C6orf89: variants seen among roughly 807,000 people sequenced by gnomAD.
The protein encoded by C6orf89 is chromosome 6 open reading frame 89.
Under a neutral mutation model 40.7 loss-of-function variants are expected in C6orf89, and 29 were observed. That is an observed-to-expected ratio of 0.71 (90% CI 0.53 to 0.97). The LOEUF is 0.97. Among genes scored for constraint, C6orf89 ranks in the 50% least tolerant of loss-of-function variants. The probability of loss-of-function intolerance (pLI) is 0.00; values close to 1 mark genes in which losing one functional copy is unlikely to be tolerated. For synonymous variants in C6orf89, 165 were observed against 152.2 expected (o/e 1.08, Z -0.62); for missense variants, 392 against 429.1 (o/e 0.91, Z 0.76).
intron 4 of C6orf89, 107 bp downstream of exon 4, chr6:36,902,541 T>G: frequency 2.1e-6 from 2 of 959,454 alleles, no homozygotes; most frequent in Non-Finnish European, 3.1e-6. Flanking sequence ...CTCCCTATAT[T>G]GTATCTTTTA....
intron 4 of C6orf89, among the ~76,000 whole-genome samples, chr6:36,905,953 A>T (rs1186169092): frequency 2.6e-5 from 4 of 152,204 alleles, no homozygotes; most frequent in Non-Finnish European, 5.9e-5. Context: ...TCACACTTAC[A>T]GCCTGCCATC....
At chr6:36,893,487 G>A (rs1403047600) in intron 1 of C6orf89, among the ~76,000 whole-genome samples, 17 of 152,134 alleles carry the variant, frequency 1.1e-4, no homozygotes, top group Admixed American at 1.0e-3. Context: ...TGAGAAATGT[G>A]TCATAATCTC....
chr6:36,897,062 G>A (rs1226167127), intron 2 of C6orf89, among the ~76,000 whole-genome samples: 2 of 149,724 alleles, frequency 1.3e-5, no homozygotes, highest in Non-Finnish European at 3.0e-5. Context: ...TCGGGAGGCG[G>A]AAGTGGCAGT....
chr6:36,899,471 C>T lies in C6orf89; in HGVS notation c.27C>T (p.Ser9=), dbSNP rs1761577032. The T allele has an allele frequency of 6.2e-7, 1 of 1,614,068 alleles. No individual in the cohort carries two copies. Among genetic ancestry groups the T allele is most frequent in the Non-Finnish European group, 8.5e-7 (1 of 1,180,022 alleles). Reference sequence around the variant, plus strand: ...TGGATCTTGCTGCCAACGAGATCAGCATTTATGACAAACTTTCAGAGACTG... The same window carrying T: ...TGGATCTTGCTGCCAACGAGATCAGTATTTATGACAAACTTTCAGAGACTG... MDLAANEI[S]IYDKLSETVD... is the part of the protein sequence containing the mutation. Residue 9 remains serine, a synonymous_variant, in exon 3 of 9, where the codon AGC becomes AGT. Transcript: ENST00000480824.
chr6:36,911,990 C>A (rs1222945402), intron 4 of C6orf89, among the ~76,000 whole-genome samples: 7 of 146,892 alleles, frequency 4.8e-5, no homozygotes, highest in Admixed American at 4.2e-4. Flanking sequence ...CCAGATCTTC[C>A]TTTTCCCAGC....
chr6:36,895,448 C>T (rs191535420), intron 2 of C6orf89, among the ~76,000 whole-genome samples: 124 of 152,168 alleles, frequency 8.1e-4, no homozygotes, highest in Non-Finnish European at 1.4e-3. Flanking sequence ...AGGTGACAAC[C>T]GACTGGGTGG....
At chr6:36,881,793 T>A (rs1451330960), upstream of C6orf89, among the ~76,000 whole-genome samples, 1 of 152,016 alleles carries the variant, frequency 6.6e-6, no homozygotes, top group East Asian at 1.9e-4. Context: ...GACATTGGAA[T>A]AAAAGCACAA....
chr6:36,877,882 G>GGT lies in C6orf89; in HGVS notation c.-627-1126_-627-1125insGT, dbSNP rs1164988171. On this transcript the variant is annotated intron_variant, in intron 1 of 9. Transcript: ENST00000359359. ...AATCTTCTACCTATTTTTCTATTTG[G>GGT]CTGTTTTCTTATTTGTAAAGTTCCT... 5.2e-3 allele frequency among the ~76,000 whole-genome samples: 11 copies of GGT among 2,126 alleles called. No homozygotes were observed. The East Asian group carries it at 0.13, about 25-fold the overall frequency. The allele number at this position is 2,126 out of a possible 152,430, so 1.4% of individuals were successfully genotyped here.
At chr6:36,878,257 A>G (rs904841337) in intron 1 of C6orf89, among the ~76,000 whole-genome samples, 1 of 152,120 alleles carries the variant, frequency 6.6e-6, no homozygotes. Context: ...TGGTCTCTCT[A>G]TTCTGTTTCA....
intron 3 of C6orf89, among the ~76,000 whole-genome samples, chr6:36,900,846 T>C (rs775996750): frequency 8.8e-5 from 13 of 147,080 alleles, no homozygotes; most frequent in Admixed American, 3.4e-4. Flanking sequence ...CCTTTATGTA[T>C]GTATTTATTT....
intron 8 of C6orf89, among the ~76,000 whole-genome samples, chr6:36,920,892 A>C (rs746898068): frequency 2.6e-5 from 4 of 152,190 alleles, no homozygotes; most frequent in African/African-American, 9.7e-5. Context: ...AATTCAGACA[A>C]CTACAGAAAC....
In C6orf89 at chr6:36,925,256, T is replaced by C. The variant is rs1762642724; in HGVS notation, c.*1815T>C. On this transcript the variant is annotated 3_prime_UTR_variant, in exon 9 of 9. Transcript: ENST00000480824. ...CCTGGCTGTACATGGGGAAGGGCTATGTGTAAACAAGTGCTTTAGAGGCCT... is the reference window on the plus strand; with the variant it reads ...CCTGGCTGTACATGGGGAAGGGCTACGTGTAAACAAGTGCTTTAGAGGCCT... The C allele has an allele frequency of 6.6e-6, 1 of 152,232 alleles. No individual in the cohort carries two copies. 9.4% of individuals were successfully genotyped at this position (152,232 alleles called of 1,614,324 possible).
chr6:36,921,399 GCAC>G (rs1762504476), intron 8 of C6orf89, among the ~76,000 whole-genome samples: 1 of 152,138 alleles, frequency 6.6e-6, no homozygotes, highest in Non-Finnish European at 1.5e-5. Flanking sequence ...CTTAAGAATG[GCAC>G]CATGACATGC....
At chr6:36,882,720 T>C (rs538893843), upstream of C6orf89, among the ~76,000 whole-genome samples, 2 of 115,718 alleles carry the variant, frequency 1.7e-5, no homozygotes, top group South Asian at 2.8e-4. Context: ...TTTCTTTTTT[T>C]TTTTTTCTTT....
At chr6:36,922,743 A>G (rs1004216478) in intron 8 of C6orf89, among the ~76,000 whole-genome samples, 8 of 152,226 alleles carry the variant, frequency 5.3e-5, no homozygotes, top group African/African-American at 1.4e-4. Flanking sequence ...AATTTGGGCA[A>G]TGCTGGTTTA....
chr6:36,899,270 G>T (rs1323758055), intron 2 of C6orf89, among the ~76,000 whole-genome samples, 156 bp from the exon 3 acceptor site: 1 of 152,152 alleles, frequency 6.6e-6, no homozygotes, highest in African/African-American at 2.4e-5. Flanking sequence ...CATTGTCTCT[G>T]TGTATTCATT....
chr6:36,888,920 T>G (rs145968368), intron 1 of C6orf89, among the ~76,000 whole-genome samples: 1 of 152,162 alleles, frequency 6.6e-6, no homozygotes, highest in East Asian at 1.9e-4. Context: ...GTGGGAGGAA[T>G]GAGTTGAAGG....
chr6:36,916,716 C>A, intron 7 of C6orf89, 142 bp downstream of exon 7: 1 of 940,706 alleles, frequency 1.1e-6, no homozygotes, highest in Non-Finnish European at 1.6e-6. Flanking sequence ...CTAGTTCTCC[C>A]CTCCTGCTGC....
At chr6:36,873,089 G>C (rs959302812) in intron 1 of C6orf89, among the ~76,000 whole-genome samples, 2 of 152,194 alleles carry the variant, frequency 1.3e-5, no homozygotes, top group Non-Finnish European at 2.9e-5. Context: ...TACTCTGTGT[G>C]TGGTACTCTT....
Sources: allele counts gnomAD v4.1 joint callset (sites outside exome capture counted in the v4.1 genomes callset), GRCh38; gene constraint gnomAD v4.1.1; transcripts MANE v1.5; gene names NCBI Gene and HGNC (gene_info 2026-07-23, HGNC 2026-07-21).